Variants in COBL observed in about 807,000 individuals in gnomAD.
COBL encodes cordon-bleu WH2 repeat protein.
A neutral mutation model predicts 98.8 loss-of-function variants in COBL; 51 were observed. That is an observed-to-expected ratio of 0.52 (90% confidence interval 0.41 to 0.65). The LOEUF (loss-of-function observed/expected upper bound fraction) is 0.65, where lower values mean the gene tolerates loss of function less well. Among genes scored for constraint, COBL ranks in the 30% least tolerant of loss-of-function variants. COBL has a pLI of 0.00. For missense variants in COBL, 1,617 were observed against 1,617.5 expected (o/e 1.00, Z 0.01); for synonymous variants, 634 against 651.7 (o/e 0.97, Z 0.41).
At chr7:51,040,697 G>C (rs577048228) in intron 8 of COBL, among the ~76,000 whole-genome samples, 1 of 152,036 alleles carries the variant, frequency 6.6e-6, no homozygotes, top group African/African-American at 2.4e-5. Context: ...TCAGGTTCCC[G>C]AACTCCCTCC....
chr7:51,280,789 C>T (rs1464013423), intron 1 of COBL, among the ~76,000 whole-genome samples: 3 of 152,258 alleles, frequency 2.0e-5, no homozygotes, highest in Middle Eastern at 3.4e-3. Context: ...GACTGGCCAC[C>T]GGTAGCAGAA....
chr7:51,023,446 G>A (rs1399438034), intron 12 of COBL, among the ~76,000 whole-genome samples: 2 of 152,178 alleles, frequency 1.3e-5, no homozygotes, highest in Non-Finnish European at 2.9e-5. Flanking sequence ...GCTGGCTGAT[G>A]TCTCAGGGCC....
chr7:51,172,908 C>A (rs941203605), intron 5 of COBL, among the ~76,000 whole-genome samples: 4 of 151,998 alleles, frequency 2.6e-5, no homozygotes, highest in African/African-American at 9.7e-5. Context: ...CCTGCCTCAG[C>A]CTCCCAAGTA....
At chr7:51,037,329 A>G (rs1017310462) in intron 8 of COBL, among the ~76,000 whole-genome samples, 5 of 152,218 alleles carry the variant, frequency 3.3e-5, no homozygotes, top group African/African-American at 1.2e-4. Context: ...GAGGTAGTGC[A>G]TATCTCAATT....
chr7:51,211,841 A>G (rs1021516161), intron 2 of COBL, among the ~76,000 whole-genome samples: 2 of 152,162 alleles, frequency 1.3e-5, no homozygotes, highest in Non-Finnish European at 2.9e-5. Flanking sequence ...CATTGACTAC[A>G]CAGACATCAA....
chr7:51,111,803 T>C (rs1796853917), intron 6 of COBL, among the ~76,000 whole-genome samples: 1 of 152,190 alleles, frequency 6.6e-6, no homozygotes, highest in African/African-American at 2.4e-5. Flanking sequence ...AGCCAGGGCA[T>C]GTGATGGGCC....
intron 6 of COBL, among the ~76,000 whole-genome samples, chr7:51,105,536 C>T (rs953604192): frequency 5.3e-5 from 8 of 152,152 alleles, no homozygotes; most frequent in Non-Finnish European, 1.2e-4. Context: ...ATCACTTGAG[C>T]CCAGGAATTT....
At chr7:51,209,732 G>A (rs1419011441) in intron 2 of COBL, among the ~76,000 whole-genome samples, 1 of 152,060 alleles carries the variant, frequency 6.6e-6, no homozygotes, top group African/African-American at 2.4e-5. Context: ...ATGGGGAGTG[G>A]GTCCCTGGAT....
chr7:51,024,658 TG>T (rs1360279103), intron 12 of COBL, among the ~76,000 whole-genome samples: 3 of 628 alleles, frequency 4.8e-3, no homozygotes, highest in South Asian at 0.056. Flanking sequence ...TACGAGTGAA[TG>T]AATGAATGAA....
chr7:51,296,717 G>A (rs1274543065), intron 1 of COBL, among the ~76,000 whole-genome samples: 1 of 152,172 alleles, frequency 6.6e-6, no homozygotes, highest in Non-Finnish European at 1.5e-5. Flanking sequence ...TCACAGGGAG[G>A]TGCTAAGTAT....
chr7:51,232,201 G>A (rs546762631), intron 1 of COBL, among the ~76,000 whole-genome samples: 2 of 152,074 alleles, frequency 1.3e-5, no homozygotes, highest in East Asian at 3.9e-4. Context: ...ACTACACATG[G>A]TCACCTTCTT....
chr7:51,023,002 C>T (rs1787098924), intron 12 of COBL: 1 of 152,128 alleles, frequency 6.6e-6, no homozygotes, highest in Non-Finnish European at 1.5e-5. Flanking sequence ...CAGAAATGTA[C>T]CCTGGGATCA....
chr7:51,029,219 T>G lies in COBL; in HGVS notation c.1877A>C (p.Glu626Ala). 2 of 1,614,064 alleles carry G rather than the reference T, an allele frequency of 1.2e-6. No individual in the cohort carries two copies. Among genetic ancestry groups the G allele is most frequent in the Non-Finnish European group, 1.7e-6 (2 of 1,180,000 alleles). Residue 626 changes from glutamate (E) to alanine (A), a missense_variant, in exon 10 of 13, where the codon GAA (glutamate) becomes GCA (alanine). Glu to Ala is a moderately radical substitution (Grantham distance 107). This residue lies in a region of COBL where 1,304 missense variants were observed against 1,282.0 expected (regional missense o/e 1.02). Transcript: ENST00000265136. ...SNISKDGNLM[E>A]TAPRVTSFAS... is the part of the protein sequence containing the mutation. ...AAAAGAAGTCACCCTGGGCGCCGTT[T>G]CCATTAGATTCCCATCTTTAGAGAT...
Position 51,191,085 on chromosome 7 carries a change from G to A in COBL, c.457-7C>T, listed in dbSNP as rs1343914490. On this transcript the variant is annotated splice_polypyrimidine_tract_variant and splice_region_variant and intron_variant, in intron 3 of 12. Coordinates refer to ENST00000265136, the MANE Select transcript of COBL (RefSeq NM_015198.5). Reference sequence around the variant, plus strand: ...CGACCAAACGCACAGATTTCTGGAAGAACACACAGGCAAAAAGAATTCAGT... The same window carrying A: ...CGACCAAACGCACAGATTTCTGGAAAAACACACAGGCAAAAAGAATTCAGT... 4 of 1,612,318 alleles carry A rather than the reference G, an allele frequency of 2.5e-6. No individual in the cohort carries two copies. The highest frequency in any genetic ancestry group is 2.2e-5 in the East Asian group (1 of 44,872).
rs146315990 is a variant in COBL, at chr7:51,067,953, A to C, written c.1096+17213T>G. ...CTGCTTGCTAACCTGGCAGAGACGGAGTGAGGGTCAGTGGGCAGCTGGCCA... is the reference window on the plus strand; with the variant it reads ...CTGCTTGCTAACCTGGCAGAGACGGCGTGAGGGTCAGTGGGCAGCTGGCCA... On this transcript the variant is annotated intron_variant, in intron 7 of 12. Transcript: ENST00000265136. Among the ~76,000 whole-genome samples the C allele has an allele frequency of 1.9e-4, 29 of 152,296 alleles. 1 individual carries two copies. The highest frequency in any genetic ancestry group is 6.8e-3 in the Middle Eastern group (2 of 294).
intron 7 of COBL, among the ~76,000 whole-genome samples, chr7:51,053,439 C>G (rs1019173781): frequency 1.3e-5 from 2 of 152,184 alleles, no homozygotes; most frequent in African/African-American, 4.8e-5. Context: ...GCATCTCACC[C>G]AGTCAGGAAG....
Position 51,027,726 on chromosome 7 carries a change from C to T in COBL, c.3370G>A (p.Asp1124Asn). 6.2e-7 allele frequency: 1 copy of T among 1,613,088 alleles called. No homozygotes were observed. Residue 1124 changes from aspartate (D) to asparagine (N), a missense_variant, in exon 10 of 13, where the codon GAC becomes AAC. Asp to Asn is a conservative substitution (Grantham distance 23). Coordinates refer to ENST00000265136, the MANE Select transcript of COBL (RefSeq NM_015198.5). ...GCCATCCTCACCTTGCGTAGTCTGT[C>T]CTTCCCTCCCGCAGAGTGGATGGCT... ...MEAIHSAGGK[D>N]RLRKTAEHTG...
chr7:51,258,290 A>G (rs1797382161), intron 1 of COBL, among the ~76,000 whole-genome samples: 1 of 152,198 alleles, frequency 6.6e-6, no homozygotes, highest in Admixed American at 6.5e-5. Context: ...TTTTCAAAAC[A>G]AAGCCCCAGG....
intron 5 of COBL, among the ~76,000 whole-genome samples, chr7:51,141,904 C>T (rs1027370521): frequency 2.0e-4 from 31 of 152,132 alleles, no homozygotes; most frequent in African/African-American, 7.2e-4. Flanking sequence ...AGGGCAAGGC[C>T]AACTTTCCTT....
Sources: gnomAD v4.1 joint callset for allele counts (sites outside exome capture counted in the v4.1 genomes callset) on GRCh38, gnomAD v4.1.1 for gene constraint, gnomAD v4.1.1 regional missense constraint, MANE v1.5 for transcripts, NCBI Gene and HGNC (gene_info 2026-07-23, HGNC 2026-07-21) for gene names.